ITGB2: variants seen among roughly 807,000 people sequenced by gnomAD.
The protein encoded by ITGB2 is integrin beta-2.
In ITGB2, 56 loss-of-function variants were observed where a neutral mutation model predicts 86.8. The ratio of observed to expected loss-of-function variants is 0.65; its 90% confidence interval spans 0.52 to 0.81. ITGB2 has a LOEUF of 0.81. Among genes scored for constraint, ITGB2 ranks in the 30% least tolerant of loss-of-function variants. The pLI, the probability that ITGB2 is intolerant of heterozygous loss-of-function variation, is 0.00. For missense variants in ITGB2, 948 were observed against 1,061.2 expected (o/e 0.89, Z 1.48); for synonymous variants, 457 against 450.4 (o/e 1.01, Z -0.19).
intron 5 of ITGB2, among the ~76,000 whole-genome samples, chr21:44,902,964 G>C (rs2083987786): frequency 1.3e-5 from 2 of 152,264 alleles, no homozygotes; most frequent in Non-Finnish European, 2.9e-5. Flanking sequence ...CAGTGCTGGT[G>C]TAGAGCGGAG....
rs550007417 is a variant in ITGB2, at chr21:44,906,920, C to T, written c.323G>A (p.Arg108Gln). The T allele has an allele frequency of 2.6e-5, 42 of 1,614,142 alleles. No homozygotes were observed. The highest frequency in any genetic ancestry group is 1.8e-4 in the South Asian group (16 of 91,056). The change falls in exon 4 of 16, where the codon CGA becomes CAA. Residue 108 changes from arginine (R) to glutamine (Q), a missense_variant. Coordinates refer to ENST00000652462, the MANE Select transcript of ITGB2 (RefSeq NM_000211.5). The stretch of plus-strand genomic sequence containing the variant: ...ACCACCGAGGCCAAGCCTACCTGGT[C>T]GCAGGTAAAGCGTCACTTTTTGTGG... ...LSPQKVTLYL[R>Q]PGQAAAFNVT... is the part of the protein sequence containing the mutation.
intron 10 of ITGB2, among the ~76,000 whole-genome samples, chr21:44,892,591 C>T (rs1236371071): frequency 1.7e-4 from 20 of 116,046 alleles, no homozygotes; most frequent in African/African-American, 1.5e-4. Context: ...GGCGACAGAG[C>T]GAAACTCCAT....
At chr21:44,925,097 T>C (rs975837728), upstream of ITGB2, among the ~76,000 whole-genome samples, 7 of 151,926 alleles carry the variant, frequency 4.6e-5, no homozygotes, top group Non-Finnish European at 1.0e-4. Flanking sequence ...TTGGTACTAG[T>C]GCTCTCCATG....
rs200118567 is a variant in ITGB2, at chr21:44,886,800, T to C, written c.2183A>G (p.His728Arg). 1 of 1,613,844 alleles carries C rather than the reference T, an allele frequency of 6.2e-7. No homozygotes were observed. The highest frequency in any genetic ancestry group is 1.7e-5 in the Admixed American group (1 of 60,020). The change falls in exon 15 of 16, where the codon CAC (histidine) becomes CGC (arginine). Residue 728 changes from histidine to arginine, a missense_variant. By Grantham distance (29) the His-to-Arg change is conservative. Transcript: ENST00000652462. ...CCTGTACTCCCGGAGGTCGCTCAGG[T>C]GGATCAGAGCCTTCCAGATGACCAG... Reference protein sequence around the residue: ...LLLVIWKALIHLSDLREYRRF... With the variant: ...LLLVIWKALIRLSDLREYRRF...
chr21:44,889,900 A>T, intron 12 of ITGB2, 78 bp downstream of exon 12: 1 of 1,563,830 alleles, frequency 6.4e-7, no homozygotes, highest in Non-Finnish European at 8.7e-7. Flanking sequence ...CCACTCGTTG[A>T]ATGGTCCAGA....
intron 4 of ITGB2, 118 bp from the exon 5 acceptor site, chr21:44,903,653 C>G: frequency 1.7e-6 from 2 of 1,149,682 alleles, no homozygotes; most frequent in Non-Finnish European, 2.5e-6. Flanking sequence ...CCCAAATCCT[C>G]CTGACCTCCC....
At chr21:44,920,507 C>T (rs1007454347) in intron 1 of ITGB2, among the ~76,000 whole-genome samples, 4 of 152,286 alleles carry the variant, frequency 2.6e-5, no homozygotes, top group African/African-American at 9.6e-5. Flanking sequence ...ACCCCCCAGC[C>T]GTCCCCCTAG....
intron 1 of ITGB2, among the ~76,000 whole-genome samples, chr21:44,919,337 AG>A (rs1225089170): frequency 6.6e-6 from 1 of 152,190 alleles, no homozygotes; most frequent in Non-Finnish European, 1.5e-5. Context: ...CAGAATACTG[AG>A]GGGCACGCTG....
In ITGB2 at chr21:44,890,109, A is replaced by T; in HGVS notation, c.1526T>A (p.Leu509Gln). ...GCACTGCCCGCAGACACAGTCCCCC[A>T]GCCCTGAGCAGATGATGGAGTTGTT... ...KDNNSIICSG[L>Q]GDCVCGQCLC... Residue 509 changes from leucine to glutamine, a missense_variant, in exon 12 of 16, where the codon CTG (leucine) becomes CAG (glutamine). Leu to Gln is a moderately radical substitution (Grantham distance 113). Coordinates refer to ENST00000652462, the MANE Select transcript of ITGB2 (RefSeq NM_000211.5). 1 of 1,613,406 alleles carries T rather than the reference A, an allele frequency of 6.2e-7. No individual in the cohort carries two copies. The highest frequency in any genetic ancestry group is 8.5e-7 in the Non-Finnish European group (1 of 1,179,998).
chr21:44,907,177 C>T (rs2084057264), intron 3 of ITGB2, 82 bp from the exon 4 acceptor site: 3 of 990,248 alleles, frequency 3.0e-6, no homozygotes, highest in African/African-American at 3.2e-5. Context: ...GGACTGAGGA[C>T]CCACCCTGTC....
chr21:44,906,269 A>C (rs562328231), intron 4 of ITGB2, among the ~76,000 whole-genome samples: 2 of 150,636 alleles, frequency 1.3e-5, no homozygotes, highest in South Asian at 4.2e-4. Flanking sequence ...ATCTTGGCTC[A>C]CTGCAACCTC....
intron 1 of ITGB2, among the ~76,000 whole-genome samples, chr21:44,918,470 T>C (rs922910124): frequency 3.3e-5 from 5 of 152,200 alleles, no homozygotes; most frequent in Non-Finnish European, 7.4e-5. Flanking sequence ...CGGTTGACTA[T>C]AGAGACAGCT....
intron 8 of ITGB2, among the ~76,000 whole-genome samples, chr21:44,897,773 C>T (rs1013619365): frequency 2.0e-5 from 3 of 152,202 alleles, no homozygotes; most frequent in Admixed American, 1.3e-4. Context: ...GAACGGGGCA[C>T]GTGGCTGTGT....
chr21:44,888,880 G>A lies in ITGB2; in HGVS notation c.1893C>T (p.Cys631=), dbSNP rs17004713. The A allele has an allele frequency of 3.6e-3, 5,715 of 1,605,844 alleles. 173 individuals carry two copies. In the African/African-American group the frequency reaches 0.065, roughly 18 times the overall value. Residue 631 remains cysteine (C), a synonymous_variant, in exon 14 of 16, where the codon TGC becomes TGT. Transcript: ENST00000652462. ...PCGKYISCAE[C]LKFEKGPFGK... The stretch of plus-strand genomic sequence containing the variant: ...CAAAGGGGCCCTTTTCGAACTTCAG[G>A]CACTCGGCGCAGGAGCTGCGGGGAG...
intron 1 of ITGB2, among the ~76,000 whole-genome samples, chr21:44,926,441 C>T (rs2084374347): frequency 6.6e-6 from 1 of 152,212 alleles, no homozygotes; most frequent in African/African-American, 2.4e-5. Context: ...TGCTGCCCTG[C>T]CCTCTTGCTT....
rs200011031 is a variant in ITGB2 at position 44,894,959 on chromosome 21, C to T, written c.1083+12G>A. ...CCCCATGGGTCCCAGCTGAGTGGTG[C>T]GGGAGACTCACATTGTAAGCATTCT... is the stretch of plus-strand genomic sequence containing the variant. On this transcript the variant is annotated intron_variant, in intron 9 of 15. Transcript: ENST00000652462. 12 of 1,565,736 alleles carry T rather than the reference C, an allele frequency of 7.7e-6. No homozygotes were observed. Among genetic ancestry groups the T allele is most frequent in the African/African-American group, 2.7e-5 (2 of 73,794 alleles).
chr21:44,887,136 C>T (rs1455880198), intron 14 of ITGB2, among the ~76,000 whole-genome samples: 1 of 152,198 alleles, frequency 6.6e-6, no homozygotes, highest in Non-Finnish European at 1.5e-5. Context: ...TTGCCACCAC[C>T]CCTGCTGACA....
At chr21:44,910,657 G>A (rs779497684) in intron 2 of ITGB2, 68 bp downstream of exon 2, 1 of 1,562,728 alleles carries the variant, frequency 6.4e-7, no homozygotes, top group Non-Finnish European at 8.8e-7. Flanking sequence ...GGGAAAGTGA[G>A]GGCAGGCCCT....
chr21:44,901,478 G>A lies in ITGB2; in HGVS notation c.741+14C>T, dbSNP rs1318498685. 2 of 1,613,342 alleles carry A rather than the reference G, an allele frequency of 1.2e-6. No individual in the cohort carries two copies. The highest frequency in any genetic ancestry group is 1.1e-5 in the South Asian group (1 of 90,984). ...GGGGGAACGTGGGGACCCAAGCAGG[G>A]GCAGCGGCCTCACCGGGCAGGCGGC... On this transcript the variant is annotated intron_variant, in intron 6 of 15. Transcript: ENST00000652462.
Sources: gnomAD v4.1 joint callset for allele counts (sites outside exome capture counted in the v4.1 genomes callset) on GRCh38, gnomAD v4.1.1 for gene constraint, MANE v1.5 for transcripts, NCBI Gene and HGNC (gene_info 2026-07-23, HGNC 2026-07-21) for gene names.